Variants in ARHGAP44 observed in about 807,000 individuals in gnomAD.
ARHGAP44 encodes the protein Rho GTPase activating protein 44, also known as rho GTPase-activating protein 44.
In ARHGAP44, 43 loss-of-function variants were observed where a neutral mutation model predicts 106.8. The ratio of observed to expected loss-of-function variants is 0.40; its 90% CI spans 0.32 to 0.52. The LOEUF (loss-of-function observed/expected upper bound fraction) is 0.52. Ranked by LOEUF, ARHGAP44 falls within the 20% of genes least tolerant of loss-of-function variation. ARHGAP44 has a pLI of 0.48. For synonymous variants in ARHGAP44, 439 were observed against 410.3 expected (o/e 1.07, Z -0.85); for missense variants, 866 against 1,050.5 (o/e 0.82, Z 2.43).
In ARHGAP44 at chr17:12,978,035, T is replaced by TAAAAAAAAAAAAAAAAAAAAAAAAA. The variant is rs757585682; in HGVS notation, c.1764-2023_1764-2022insAAAAAAAAAAAAAAAAAAAAAAAAA. Among the ~76,000 whole-genome samples, 110 of 55,492 alleles carry TAAAAAAAAAAAAAAAAAAAAAAAAA rather than the reference T, an allele frequency of 2.0e-3. 32 individuals carry two copies. The highest frequency in any genetic ancestry group is 4.1e-3 in the Admixed American group (19 of 4,640). 36.4% of individuals were successfully genotyped at this position (55,492 alleles called of 152,430 possible). A position where few individuals can be genotyped will look rare whatever the true frequency, so the allele number is the denominator to read the frequency against. ...CTGGGCAACAGAGCAAGACTCCATC[T>TAAAAAAAAAAAAAAAAAAAAAAAAA]CAAAAAAAAAAAAAAAAAAAAGTGT... On this transcript the variant is annotated intron_variant, in intron 18 of 20. Transcript: ENST00000379672.
chr17:12,914,741 A>G (rs1246981954), intron 4 of ARHGAP44, among the ~76,000 whole-genome samples: 1 of 150,392 alleles, frequency 6.6e-6, no homozygotes, highest in Non-Finnish European at 1.5e-5. Flanking sequence ...GGTTGCAGTG[A>G]GCCAAGATCG....
At chr17:12,818,847 C>T (rs185481339) in intron 1 of ARHGAP44, among the ~76,000 whole-genome samples, 1 of 151,994 alleles carries the variant, frequency 6.6e-6, no homozygotes, top group Non-Finnish European at 1.5e-5. Context: ...TCATTTCTCC[C>T]CATATTGATC....
chr17:12,943,466 A>C, intron 8 of ARHGAP44, 122 bp from the exon 9 acceptor site: 1 of 773,840 alleles, frequency 1.3e-6, no homozygotes, highest in African/African-American at 1.7e-5. Context: ...AGATTGGAGG[A>C]GGGAATGGGT....
chr17:12,836,521 G>A (rs1644555626), intron 1 of ARHGAP44, among the ~76,000 whole-genome samples: 1 of 151,838 alleles, frequency 6.6e-6, no homozygotes, highest in Admixed American at 6.6e-5. Flanking sequence ...GGTGGCACAT[G>A]CCTGTAATCC....
At chr17:12,826,087 AC>A (rs1335665819) in intron 1 of ARHGAP44, among the ~76,000 whole-genome samples, 4 of 152,156 alleles carry the variant, frequency 2.6e-5, no homozygotes, top group African/African-American at 9.7e-5. Flanking sequence ...ATAATTTTAA[AC>A]TTTTAAGTCA....
At position 12,971,125 on chromosome 17, in the gene ARHGAP44, A is replaced by G. The variant is rs576699501; in HGVS notation, c.1524-2177A>G. 1.6e-4 allele frequency among the ~76,000 whole-genome samples: 25 copies of G among 152,296 alleles called. 1 individual carries two copies. Among genetic ancestry groups the G allele is most frequent in the African/African-American group, 4.1e-4 (17 of 41,566 alleles). Reference sequence around the variant, plus strand: ...TTGCATATGGCACTGTAGCCTCTTTACAAGAGGAGAAGTAGCACGTTGAAC... The same window carrying G: ...TTGCATATGGCACTGTAGCCTCTTTGCAAGAGGAGAAGTAGCACGTTGAAC... On this transcript the variant is annotated intron_variant, in intron 16 of 20. Transcript: ENST00000379672.
intron 8 of ARHGAP44, among the ~76,000 whole-genome samples, chr17:12,942,426 G>C (rs568985924): frequency 6.6e-6 from 1 of 152,182 alleles, no homozygotes; most frequent in Non-Finnish European, 1.5e-5. Flanking sequence ...GATTATAGGC[G>C]TGAGCCACCG....
At chr17:12,961,411 A>G (rs377676402) in intron 16 of ARHGAP44, among the ~76,000 whole-genome samples, 1 of 152,262 alleles carries the variant, frequency 6.6e-6, no homozygotes, top group East Asian at 1.9e-4. Context: ...ATTGTTGTAC[A>G]TAAAATAAAT....
rs1429268952 is a variant in ARHGAP44 at position 12,877,745 on chromosome 17, G to A, written c.54-17195G>A. On this transcript the variant is annotated intron_variant, in intron 1 of 20. Coordinates refer to ENST00000379672, the MANE Select transcript of ARHGAP44 (RefSeq NM_014859.6). ...AGCCTGGGTGACAGAGCGAGACTCC[G>A]TCTAAAAAAAAAAAAACACTAAAGA... 4.0e-5 allele frequency among the ~76,000 whole-genome samples: 6 copies of A among 150,352 alleles called. No homozygotes were observed. The South Asian group carries it at 6.3e-4, about 16-fold the overall frequency.
chr17:12,848,884 T>C (rs1310385630), intron 1 of ARHGAP44, among the ~76,000 whole-genome samples: 1 of 151,880 alleles, frequency 6.6e-6, no homozygotes, highest in Admixed American at 6.6e-5. Context: ...CCGTCTCTAC[T>C]AAAAAAATAC....
chr17:12,887,571 A>T (rs2036918307), intron 1 of ARHGAP44, among the ~76,000 whole-genome samples: 1 of 152,082 alleles, frequency 6.6e-6, no homozygotes, highest in African/African-American at 2.4e-5. Context: ...GGACTTTTAC[A>T]CCCATATTCA....
At chr17:12,808,463 C>T (rs2034342987) in intron 1 of ARHGAP44, among the ~76,000 whole-genome samples, 3 of 152,226 alleles carry the variant, frequency 2.0e-5, no homozygotes, top group Admixed American at 1.3e-4. Context: ...AGGAGGTTTT[C>T]AAACGTCAGT....
chr17:12,959,247 G>A (rs2039201965), intron 16 of ARHGAP44, among the ~76,000 whole-genome samples: 1 of 152,152 alleles, frequency 6.6e-6, no homozygotes, highest in South Asian at 2.1e-4. Context: ...AGAATTTGTA[G>A]TGGCTTTACT....
chr17:12,936,387 C>T lies in ARHGAP44; in HGVS notation c.583-4669C>T, dbSNP rs374644130. On this transcript the variant is annotated intron_variant, in intron 7 of 20. Transcript: ENST00000379672. ...CTGCTGACCCTTGACAACCACTGATCTTTTTATTGTTTACATGCTTTTGTC... is the reference window on the plus strand; with the variant it reads ...CTGCTGACCCTTGACAACCACTGATTTTTTTATTGTTTACATGCTTTTGTC... Among the ~76,000 whole-genome samples the T allele has an allele frequency of 4.4e-3, 670 of 152,272 alleles. 25 individuals carry two copies. The South Asian group carries it at 0.092, about 21-fold the overall frequency.
intron 10 of ARHGAP44, 39 bp downstream of exon 10, chr17:12,944,235 C>T: frequency 1.3e-6 from 2 of 1,555,338 alleles, no homozygotes; most frequent in South Asian, 2.4e-5. Flanking sequence ...CCGGGCAGGT[C>T]TCCTCTTCCA....
intron 8 of ARHGAP44, 52 bp from the exon 9 acceptor site, chr17:12,943,536 G>A: frequency 6.4e-7 from 1 of 1,571,504 alleles, no homozygotes; most frequent in Non-Finnish European, 8.8e-7. Flanking sequence ...TGCCATGGCA[G>A]CCTGTGTCCT....
At chr17:12,834,902 C>A (rs1364231420) in intron 1 of ARHGAP44, among the ~76,000 whole-genome samples, 1 of 152,050 alleles carries the variant, frequency 6.6e-6, no homozygotes, top group African/African-American at 2.4e-5. Flanking sequence ...ATTATATCTA[C>A]CATGTTAGAT....
intron 16 of ARHGAP44, among the ~76,000 whole-genome samples, chr17:12,960,821 C>T (rs2039244795): frequency 6.6e-6 from 1 of 152,056 alleles, no homozygotes; most frequent in Admixed American, 6.5e-5. Flanking sequence ...GCCTTGGCCT[C>T]CCAAAGTACT....
chr17:12,984,397 GGGAGGTGTGGGTGGGTGGCGAGGGGCA>G (rs2039905543), intron 19 of ARHGAP44, 107 bp from the exon 20 acceptor site: 1 of 921,652 alleles, frequency 1.1e-6, no homozygotes, highest in South Asian at 2.4e-5. Flanking sequence ...GGGCAGGGCA[GGGAGGTGTGGGTGGGTGGCGAGGGGCA>G]GGAGGTGGGG....
Sources: gnomAD v4.1 joint callset for allele counts (sites outside exome capture counted in the v4.1 genomes callset) on GRCh38, gnomAD v4.1.1 for gene constraint, MANE v1.5 for transcripts, NCBI Gene and HGNC (gene_info 2026-07-23, HGNC 2026-07-21) for gene names.